The following MBNL1 variants were observed in gnomAD, a reference collection of about 807,000 sequenced individuals.
MBNL1 encodes the protein muscleblind like splicing regulator 1.
A neutral mutation model predicts 42.2 loss-of-function variants in MBNL1; 8 were observed. The observed-to-expected ratio is 0.19, with a 90% CI of 0.11 to 0.34. MBNL1 has a LOEUF of 0.34. Ranked by LOEUF, MBNL1 falls within the 10% of genes least tolerant of loss-of-function variation. MBNL1 has a pLI of 1.00. For missense variants in MBNL1, 309 were observed against 495.3 expected, an observed-to-expected ratio of 0.62 and a Z score of 3.57; for synonymous variants, 169 against 173.9, an observed-to-expected ratio of 0.97 and a Z score of 0.22.
At chr3:152,373,390 G>A (rs996015996) in intron 2 of MBNL1, among the ~76,000 whole-genome samples, 2 of 149,484 alleles carry the variant, frequency 1.3e-5, no homozygotes, top group African/African-American at 4.9e-5. Flanking sequence ...CTTGGTGTCT[G>A]CCTAAATGGC....
intron 3 of MBNL1, among the ~76,000 whole-genome samples, chr3:152,430,784 G>A (rs2098996607): frequency 1.3e-5 from 2 of 152,144 alleles, no homozygotes; most frequent in African/African-American, 2.4e-5. Context: ...TTGTTGATAA[G>A]ATTTGGAATG....
At chr3:152,310,683 C>T (rs1250885445) in intron 2 of MBNL1, among the ~76,000 whole-genome samples, 2 of 152,064 alleles carry the variant, frequency 1.3e-5, no homozygotes, top group Non-Finnish European at 2.9e-5. Context: ...TAGATTTTCT[C>T]ATTTGGTGTG....
At position 152,465,213 on chromosome 3, in the gene MBNL1, GAGAA is replaced by G. The variant is rs376501914; in HGVS notation, c.*2852_*2855del. 1.8e-4 allele frequency: 27 copies of G among 152,218 alleles called. No individual in the cohort carries two copies. Among genetic ancestry groups the G allele is most frequent in the African/African-American group, 6.0e-4 (25 of 41,540 alleles). 9.4% of individuals were successfully genotyped at this position (152,218 alleles called of 1,614,324 possible). On this transcript the variant is annotated 3_prime_UTR_variant, in exon 10 of 10. Transcript: ENST00000324210. ...TGTTTAAAACTTCAACAAAAAAAGA[GAGAA>G]AGAACTATACTAAGAACATATATTA...
intron 4 of MBNL1, among the ~76,000 whole-genome samples, chr3:152,433,681 C>T (rs1177174973): frequency 1.4e-5 from 2 of 145,928 alleles, no homozygotes; most frequent in Non-Finnish European, 3.0e-5. Flanking sequence ...ACCCGGGAGG[C>T]AGAGCTTGCA....
chr3:152,460,818 CTTTA>C (rs1030199268), intron 9 of MBNL1, among the ~76,000 whole-genome samples: 9 of 151,960 alleles, frequency 5.9e-5, no homozygotes, highest in East Asian at 1.9e-4. Flanking sequence ...TTGTTGCTTC[CTTTA>C]TTTATTTATT....
intron 2 of MBNL1, among the ~76,000 whole-genome samples, chr3:152,345,246 TAG>T (rs1477170423): frequency 6.6e-6 from 1 of 152,138 alleles, no homozygotes; most frequent in Non-Finnish European, 1.5e-5. Context: ...TGAAATAACT[TAG>T]ATACCTTGAG....
chr3:152,371,132 G>A (rs2096643167), intron 2 of MBNL1, among the ~76,000 whole-genome samples: 1 of 152,100 alleles, frequency 6.6e-6, no homozygotes. Flanking sequence ...GCAGTGGCTG[G>A]TACTGCTTTT....
At chr3:152,254,670 CA>C (rs2035193817) in intron 2 of MBNL1, among the ~76,000 whole-genome samples, 1 of 151,842 alleles carries the variant, frequency 6.6e-6, no homozygotes, top group Non-Finnish European at 1.5e-5. Context: ...TATGTATTAA[CA>C]TATAACTAAG....
chr3:152,328,228 T>G (rs1473004147), intron 2 of MBNL1, among the ~76,000 whole-genome samples: 1 of 152,134 alleles, frequency 6.6e-6, no homozygotes. Flanking sequence ...TTTATATTGA[T>G]AGAAAATGTA....
chr3:152,417,828 A>T (rs912817518), intron 3 of MBNL1, among the ~76,000 whole-genome samples: 1 of 152,212 alleles, frequency 6.6e-6, no homozygotes, highest in Non-Finnish European at 1.5e-5. Flanking sequence ...ATAGAAGTGG[A>T]CACATATCAG....
intron 2 of MBNL1, among the ~76,000 whole-genome samples, chr3:152,334,142 T>A (rs974152279): frequency 1.4e-4 from 22 of 152,230 alleles, no homozygotes; most frequent in Non-Finnish European, 3.2e-4. Context: ...GATGCAATAC[T>A]TTTATACTTA....
At chr3:152,304,107 A>G (rs1212308912) in intron 2 of MBNL1, among the ~76,000 whole-genome samples, 3 of 152,184 alleles carry the variant, frequency 2.0e-5, no homozygotes, top group Non-Finnish European at 4.4e-5. Context: ...GCTTAGCAGA[A>G]TATATGAAGT....
intron 1 of MBNL1, among the ~76,000 whole-genome samples, chr3:152,280,176 G>A (rs1022802501): frequency 1.1e-3 from 160 of 152,240 alleles, no homozygotes; most frequent in African/African-American, 3.7e-3. Flanking sequence ...AGATGTGCCT[G>A]TTCTCAAAGT....
intron 2 of MBNL1, among the ~76,000 whole-genome samples, chr3:152,392,107 G>T (rs1451813711): frequency 6.6e-6 from 1 of 151,572 alleles, no homozygotes; most frequent in African/African-American, 2.4e-5. Flanking sequence ...TTACATTATA[G>T]AGAAGCAGTT....
At chr3:152,440,158 A>G (rs1383148561) in intron 4 of MBNL1, among the ~76,000 whole-genome samples, 1 of 152,218 alleles carries the variant, frequency 6.6e-6, no homozygotes, top group Non-Finnish European at 1.5e-5. Flanking sequence ...TTAGGCTTCA[A>G]AGAATGCTCC....
rs561200760 is a variant in MBNL1, at chr3:152,248,249, A to G, written n.333+3809A>G. Reference sequence around the variant, plus strand: ...TGGAGGAGCAGCAAAAACATTTTCTATGCAATTAGGCGGCCTTCTGAATAA... The same window carrying G: ...TGGAGGAGCAGCAAAAACATTTTCTGTGCAATTAGGCGGCCTTCTGAATAA... On this transcript the variant is annotated intron_variant and non_coding_transcript_variant, in intron 2 of 2. Transcript: ENST00000477171. Among the ~76,000 whole-genome samples, 5 of 152,198 alleles carry G rather than the reference A, an allele frequency of 3.3e-5. No homozygotes were observed. The East Asian group carries it at 9.6e-4, about 29-fold the overall frequency.
intron 1 of MBNL1, among the ~76,000 whole-genome samples, chr3:152,277,324 C>T (rs974943075): frequency 6.6e-6 from 1 of 152,100 alleles, no homozygotes; most frequent in Non-Finnish European, 1.5e-5. Context: ...TCAATGTCAA[C>T]CAGGCAGTTC....
chr3:152,407,828 A>G (rs1286720944), intron 2 of MBNL1, among the ~76,000 whole-genome samples: 2 of 152,150 alleles, frequency 1.3e-5, no homozygotes, highest in Non-Finnish European at 2.9e-5. Flanking sequence ...CATCCTTTGC[A>G]GGGACATGAA....
intron 2 of MBNL1, among the ~76,000 whole-genome samples, chr3:152,410,054 G>A (rs926994170): frequency 1.3e-5 from 2 of 151,594 alleles, no homozygotes; most frequent in African/African-American, 4.8e-5. Context: ...ATTTTGATTG[G>A]CTATTAATTA....
Sources: gnomAD v4.1 joint callset for allele counts (sites outside exome capture counted in the v4.1 genomes callset) on GRCh38, gnomAD v4.1.1 for gene constraint, MANE v1.5 for transcripts, NCBI Gene and HGNC (gene_info 2026-07-23, HGNC 2026-07-21) for gene names.